Variants in ARHGAP10 observed in about 807,000 individuals in gnomAD.
ARHGAP10 encodes rho GTPase-activating protein 10.
In ARHGAP10, 87 loss-of-function variants were observed where a neutral mutation model predicts 108.6. The observed-to-expected ratio is 0.80, with a 90% CI of 0.67 to 0.96. The LOEUF (loss-of-function observed/expected upper bound fraction) is 0.96, where lower values mean the gene tolerates loss of function less well. Ranked by LOEUF, ARHGAP10 falls within the 40% of genes least tolerant of loss-of-function variation. ARHGAP10 has a pLI of 0.00. For missense variants in ARHGAP10, 939 were observed against 954.5 expected, an observed-to-expected ratio of 0.98 and a Z score of 0.21; for synonymous variants, 347 against 341.1, an observed-to-expected ratio of 1.02 and a Z score of -0.19.
At chr4:147,813,857 A>G (rs1297033443) in intron 1 of ARHGAP10, among the ~76,000 whole-genome samples, 2 of 152,158 alleles carry the variant, frequency 1.3e-5, no homozygotes, top group Non-Finnish European at 2.9e-5. Context: ...TTCCTTTCCC[A>G]TCGAAAGGAT....
At chr4:148,052,344 A>C (rs1217587427) in intron 20 of ARHGAP10, among the ~76,000 whole-genome samples, 16 of 151,194 alleles carry the variant, frequency 1.1e-4, no homozygotes, top group African/African-American at 3.9e-4. Flanking sequence ...TTATGTAAAA[A>C]AAAAAAAAAA....
chr4:147,991,978 C>A (rs1439857263), intron 18 of ARHGAP10, among the ~76,000 whole-genome samples: 1 of 152,140 alleles, frequency 6.6e-6, no homozygotes, highest in Non-Finnish European at 1.5e-5. Flanking sequence ...CAGCCACATT[C>A]AAAAAGTGCA....
chr4:148,003,144 G>T (rs1015424711), intron 18 of ARHGAP10, among the ~76,000 whole-genome samples: 1 of 152,148 alleles, frequency 6.6e-6, no homozygotes, highest in Non-Finnish European at 1.5e-5. Flanking sequence ...CAAAGACCAT[G>T]TTTATTTCTG....
At chr4:147,741,790 A>ACG (rs1553944868) in intron 1 of ARHGAP10, among the ~76,000 whole-genome samples, 21 of 17,062 alleles carry the variant, frequency 1.2e-3, no homozygotes, top group South Asian at 3.6e-3. Flanking sequence ...ACACACACAC[A>ACG]CGCACACACA....
Position 147,857,567 on chromosome 4 carries a change from GT to G in ARHGAP10, c.402del (p.Phe134LeufsTer11). Reference sequence around the variant, plus strand: ...TTTATTTGTAGGAAGAAAAAAAGAAGTTTGACAAAGAGACAGAAAAGAATTA... The same window carrying G: ...TTTATTTGTAGGAAGAAAAAAAGAAGTTGACAAAGAGACAGAAAAGAATTA... ...LGAVKEEKKK[F>X]DKETEKNYSL... On this transcript the variant is annotated frameshift_variant, in exon 5 of 23. Coordinates refer to ENST00000336498, the MANE Select transcript of ARHGAP10 (RefSeq NM_024605.4). LOFTEE classifies it high-confidence loss of function. The G allele has an allele frequency of 6.8e-7, 1 of 1,477,104 alleles. No homozygotes were observed. The highest frequency in any genetic ancestry group is 9.0e-7 in the Non-Finnish European group (1 of 1,115,114). 91.5% of individuals were successfully genotyped at this position (1,477,104 alleles called of 1,614,324 possible). A position where few individuals can be genotyped will look rare whatever the true frequency, so the allele number is the denominator to read the frequency against.
chr4:147,852,723 TTTTTTTTA>T lies in ARHGAP10; in HGVS notation c.385-4829_385-4822del, dbSNP rs1272721267. ...ACCAAACTTTTTTTTTTTTTTTTTT[TTTTTTTTA>T]AAATGGAGCGGAGTTTCGCCCTTGT... On this transcript the variant is annotated intron_variant, in intron 4 of 22. Transcript: ENST00000336498. 1.1e-4 allele frequency among the ~76,000 whole-genome samples: 4 copies of T among 35,852 alleles called. 1 individual carries two copies. The highest frequency in any genetic ancestry group is 1.8e-4 in the African/African-American group (3 of 16,762). 23.5% of individuals were successfully genotyped at this position (35,852 alleles called of 152,430 possible). A position where few individuals can be genotyped will look rare whatever the true frequency, so the allele number is the denominator to read the frequency against.
chr4:148,033,086 A>G (rs1446823372), intron 19 of ARHGAP10, among the ~76,000 whole-genome samples: 1 of 152,132 alleles, frequency 6.6e-6, no homozygotes. Flanking sequence ...ATGGATTCTT[A>G]TTTATTCTCT....
intron 1 of ARHGAP10, among the ~76,000 whole-genome samples, chr4:147,819,110 C>G (rs1706718316): frequency 6.6e-6 from 1 of 152,212 alleles, no homozygotes; most frequent in Admixed American, 6.5e-5. Context: ...ACATTTTCAA[C>G]TAATGAAATT....
At chr4:148,017,191 TC>T (rs1256660262) in intron 18 of ARHGAP10, among the ~76,000 whole-genome samples, 1 of 152,076 alleles carries the variant, frequency 6.6e-6, no homozygotes, top group Non-Finnish European at 1.5e-5. Context: ...GCCTGACTGT[TC>T]AGATTCTTCT....
At chr4:147,813,180 A>T (rs1732101831) in intron 1 of ARHGAP10, among the ~76,000 whole-genome samples, 2 of 151,718 alleles carry the variant, frequency 1.3e-5, no homozygotes, top group Admixed American at 1.3e-4. Flanking sequence ...GTGTTAATGT[A>T]GTAAAGTCTT....
chr4:147,781,681 CTT>C (rs56781517), intron 1 of ARHGAP10, among the ~76,000 whole-genome samples: 12 of 130,550 alleles, frequency 9.2e-5, no homozygotes, highest in Admixed American at 2.3e-4. Flanking sequence ...CTTTTCTTTT[CTT>C]TTTTTTTTTT....
At chr4:147,849,963 G>T (rs1256058855) in intron 4 of ARHGAP10, among the ~76,000 whole-genome samples, 1 of 152,192 alleles carries the variant, frequency 6.6e-6, no homozygotes. Context: ...TCTGGGTCGG[G>T]TGGGGACTTG....
intron 1 of ARHGAP10, among the ~76,000 whole-genome samples, chr4:147,751,220 T>C (rs1299391727): frequency 6.6e-6 from 1 of 152,110 alleles, no homozygotes; most frequent in Admixed American, 6.6e-5. Context: ...TAGATCACTA[T>C]TGTTTTAGAT....
At chr4:147,924,877 T>A (rs980438251) in intron 13 of ARHGAP10, among the ~76,000 whole-genome samples, 6 of 152,132 alleles carry the variant, frequency 3.9e-5, no homozygotes, top group African/African-American at 1.4e-4. Flanking sequence ...TAAGTGTGAG[T>A]TGCTTATTTA....
intron 13 of ARHGAP10, among the ~76,000 whole-genome samples, chr4:147,914,568 C>CCT (rs1736886025): frequency 2.4e-5 from 3 of 125,246 alleles, no homozygotes; most frequent in African/African-American, 3.6e-5. Context: ...CCCCCCCCCC[C>CCT]TTTTTTTTTT....
chr4:147,890,720 G>A (rs1392315033), intron 10 of ARHGAP10, among the ~76,000 whole-genome samples: 6 of 152,028 alleles, frequency 3.9e-5, no homozygotes, highest in Admixed American at 1.3e-4. Context: ...CCAGCTACTC[G>A]GGAGGCTGAG....
intron 19 of ARHGAP10, among the ~76,000 whole-genome samples, chr4:148,030,960 G>A (rs1235142732): frequency 6.6e-6 from 1 of 152,112 alleles, no homozygotes; most frequent in African/African-American, 2.4e-5. Flanking sequence ...TTGGGTGGCC[G>A]AGGTGGGAGG....
Position 148,072,221 on chromosome 4 carries a change from T to TGGGGGGG in ARHGAP10, c.*145_*146insGGGGGGG. ...GAGTTACCATCATCACAGTCAGCCC[T>TGGGGGGG]GGGGGTGGGGGGTGGTGGGCAGGGA... On this transcript the variant is annotated 3_prime_UTR_variant, in exon 23 of 23. Coordinates refer to ENST00000336498, the MANE Select transcript of ARHGAP10 (RefSeq NM_024605.4). 1 of 358,710 alleles carries TGGGGGGG rather than the reference T, an allele frequency of 2.8e-6. No individual in the cohort carries two copies. The highest frequency in any genetic ancestry group is 5.2e-6 in the Non-Finnish European group (1 of 193,120). 22.2% of individuals were successfully genotyped at this position (358,710 alleles called of 1,614,324 possible).
rs1437582617 is a variant in ARHGAP10, at chr4:147,847,147, C to G, written c.313-4C>G. 1 of 1,610,718 alleles carries G rather than the reference C, an allele frequency of 6.2e-7. No homozygotes were observed. Among genetic ancestry groups the G allele is most frequent in the Non-Finnish European group, 8.5e-7 (1 of 1,177,314 alleles). Reference sequence around the variant, plus strand: ...GCTCTTTTGTTATCACTCTTGTTCTCTAGGCATTAAGTGTAACTGAAACCC... The same window carrying G: ...GCTCTTTTGTTATCACTCTTGTTCTGTAGGCATTAAGTGTAACTGAAACCC... On this transcript the variant is annotated splice_polypyrimidine_tract_variant and splice_region_variant and intron_variant, in intron 3 of 22. Transcript: ENST00000336498.
Sources: allele counts gnomAD v4.1 joint callset (sites outside exome capture counted in the v4.1 genomes callset), GRCh38; gene constraint gnomAD v4.1.1; transcripts MANE v1.5; gene names NCBI Gene and HGNC (gene_info 2026-07-23, HGNC 2026-07-21).